Variants in XKR6 observed in about 807,000 individuals in gnomAD.
The protein encoded by XKR6 is XK related 6.
A neutral mutation model predicts 56.7 loss-of-function variants in XKR6; 22 were observed. The observed-to-expected ratio is 0.39, with a 90% confidence interval of 0.28 to 0.55. The LOEUF is 0.55. Among genes scored for constraint, XKR6 ranks in the 20% least tolerant of loss-of-function variants. The probability of loss-of-function intolerance (pLI) is 0.66; values close to 1 mark genes in which losing one functional copy is unlikely to be tolerated. For missense variants in XKR6, 852 were observed against 889.0 expected, an observed-to-expected ratio of 0.96 and a Z score of 0.53; for synonymous variants, 524 against 387.8, an observed-to-expected ratio of 1.35 and a Z score of -4.13.
chr8:11,173,590 T>C lies in XKR6; in HGVS notation c.764+26986A>G, dbSNP rs117550088. ...TGCTTGGGTTTCCACATCTGTAAGA[T>C]GGGGTCACCATGAGAGTTCAGTGAG... On this transcript the variant is annotated intron_variant, in intron 1 of 2. Transcript: ENST00000416569. 6.9e-3 allele frequency among the ~76,000 whole-genome samples: 1,045 copies of C among 152,182 alleles called. 5 individuals are homozygous for C. Among genetic ancestry groups the C allele is most frequent in the Non-Finnish European group, 0.011 (751 of 68,000 alleles).
chr8:10,995,702 A>G (rs1052594519), intron 1 of XKR6, among the ~76,000 whole-genome samples: 2 of 151,462 alleles, frequency 1.3e-5, no homozygotes, highest in Admixed American at 1.3e-4. Context: ...CCAAAAAAAA[A>G]AAAAAAAATT....
At chr8:11,093,786 T>G (rs369900446) in intron 1 of XKR6, among the ~76,000 whole-genome samples, 2 of 152,282 alleles carry the variant, frequency 1.3e-5, no homozygotes, top group East Asian at 1.9e-4. Flanking sequence ...ATGTAATTTT[T>G]TTTGTTTGTT....
At chr8:11,171,347 A>C (rs1802358671) in intron 1 of XKR6, among the ~76,000 whole-genome samples, 1 of 152,220 alleles carries the variant, frequency 6.6e-6, no homozygotes, top group Non-Finnish European at 1.5e-5. Flanking sequence ...CTTAACCACT[A>C]ATTACCAGAG....
chr8:11,190,844 T>A (rs904482227), intron 1 of XKR6, among the ~76,000 whole-genome samples: 14 of 152,226 alleles, frequency 9.2e-5, no homozygotes, highest in African/African-American at 3.4e-4. Flanking sequence ...TAAGCTCACT[T>A]CTTCATCTGT....
intron 1 of XKR6, among the ~76,000 whole-genome samples, chr8:10,975,256 C>G (rs1802520021): frequency 6.6e-6 from 1 of 152,206 alleles, no homozygotes; most frequent in African/African-American, 2.4e-5. Flanking sequence ...GTGGGTGGCA[C>G]CATCCCAGGC....
intron 1 of XKR6, among the ~76,000 whole-genome samples, chr8:11,195,902 C>T (rs965709503): frequency 1.3e-4 from 19 of 150,478 alleles, no homozygotes; most frequent in South Asian, 2.1e-4. Flanking sequence ...TCCGCCACCT[C>T]GGCCTCCCAC....
chr8:11,121,067 C>G (rs1052461043), intron 1 of XKR6, among the ~76,000 whole-genome samples: 1 of 152,102 alleles, frequency 6.6e-6, no homozygotes, highest in South Asian at 2.1e-4. Flanking sequence ...CATGTTAGAC[C>G]TAAAACCATA....
At chr8:11,120,887 T>A (rs1011657004) in intron 1 of XKR6, among the ~76,000 whole-genome samples, 4 of 151,970 alleles carry the variant, frequency 2.6e-5, no homozygotes, top group Non-Finnish European at 4.4e-5. Context: ...ATGCCGCATA[T>A]CTACAACTAT....
At chr8:10,981,812 G>A (rs1797741005) in intron 1 of XKR6, among the ~76,000 whole-genome samples, 1 of 152,188 alleles carries the variant, frequency 6.6e-6, no homozygotes, top group African/African-American at 2.4e-5. Context: ...CTCCAGTGGA[G>A]GTGCCACCAT....
At chr8:11,047,877 C>A (rs1387382957) in intron 1 of XKR6, among the ~76,000 whole-genome samples, 22 of 152,206 alleles carry the variant, frequency 1.4e-4, no homozygotes, top group Non-Finnish European at 1.5e-4. Flanking sequence ...CAGTGGATGA[C>A]ACTTCTTTCA....
At chr8:11,024,229 G>C (rs1203177011) in intron 1 of XKR6, among the ~76,000 whole-genome samples, 3 of 151,316 alleles carry the variant, frequency 2.0e-5, no homozygotes, top group Non-Finnish European at 4.4e-5. Flanking sequence ...GTGTGTGTGT[G>C]TGTGTGTGTG....
intron 1 of XKR6, among the ~76,000 whole-genome samples, chr8:11,056,049 C>T (rs1799675906): frequency 6.6e-6 from 1 of 152,180 alleles, no homozygotes. Flanking sequence ...CCCCACTTCT[C>T]ACCGGCGCCC....
intron 2 of XKR6, among the ~76,000 whole-genome samples, chr8:10,904,194 A>C (rs1484699834): frequency 3.3e-5 from 5 of 152,110 alleles, no homozygotes; most frequent in Non-Finnish European, 7.3e-5. Flanking sequence ...CCTGGTGCAG[A>C]CCAGGAGGCA....
chr8:11,056,947 G>A (rs1001048077), intron 1 of XKR6, among the ~76,000 whole-genome samples: 3 of 152,226 alleles, frequency 2.0e-5, no homozygotes, highest in Non-Finnish European at 2.9e-5. Flanking sequence ...GAAACCCACA[G>A]GCAAGGTGGA....
chr8:10,928,821 C>T (rs1388716183), intron 1 of XKR6, among the ~76,000 whole-genome samples: 1 of 152,224 alleles, frequency 6.6e-6, no homozygotes, highest in East Asian at 1.9e-4. Context: ...GCTTACCGCA[C>T]CGTTCTCCAG....
chr8:10,929,869 A>G (rs1038333267), intron 1 of XKR6, among the ~76,000 whole-genome samples: 1 of 152,108 alleles, frequency 6.6e-6, no homozygotes, highest in African/African-American at 2.4e-5. Context: ...CTCTGCTTAT[A>G]TCTTTCTAGT....
In XKR6 at chr8:10,931,847, A is replaced by C. The variant is rs183054194; in HGVS notation, c.765-7017T>G. 4.6e-3 allele frequency among the ~76,000 whole-genome samples: 698 copies of C among 152,176 alleles called. 15 individuals carry two copies. The highest frequency in any genetic ancestry group is 6.1e-3 in the Non-Finnish European group (418 of 67,996). Reference sequence around the variant, plus strand: ...TCCATAAAAAAAACAAAAAAGATAAACTTTATCAAAATTAAAAGCTTTTGC... The same window carrying C: ...TCCATAAAAAAAACAAAAAAGATAACCTTTATCAAAATTAAAAGCTTTTGC... On this transcript the variant is annotated intron_variant, in intron 1 of 2. Coordinates refer to ENST00000416569, the MANE Select transcript of XKR6 (RefSeq NM_173683.4).
chr8:11,146,579 A>G (rs1374324858), intron 1 of XKR6, among the ~76,000 whole-genome samples: 4 of 151,692 alleles, frequency 2.6e-5, no homozygotes, highest in African/African-American at 4.8e-5. Context: ...CAGTGAGTCA[A>G]TATCATGCCA....
At chr8:10,932,146 ACC>A (rs1297221834) in intron 1 of XKR6, among the ~76,000 whole-genome samples, 1 of 152,228 alleles carries the variant, frequency 6.6e-6, no homozygotes, top group Non-Finnish European at 1.5e-5. Context: ...AGTGAAAAAA[ACC>A]CCACAATGAG....
Sources: gnomAD v4.1 joint callset for allele counts (sites outside exome capture counted in the v4.1 genomes callset) on GRCh38, gnomAD v4.1.1 for gene constraint, MANE v1.5 for transcripts, NCBI Gene and HGNC (gene_info 2026-07-23, HGNC 2026-07-21) for gene names.